ZNF236: variants seen among roughly 807,000 people sequenced by gnomAD.
The protein encoded by ZNF236 is zinc finger protein 236, also known as regulated by glucose.
A neutral mutation model predicts 191.2 loss-of-function variants in ZNF236; 50 were observed. The ratio of observed to expected loss-of-function variants is 0.26; its 90% CI spans 0.21 to 0.33. The LOEUF is 0.33. ZNF236 is among the 10% of genes least tolerant of loss of function. ZNF236 has a pLI of 1.00. For missense variants in ZNF236, 1,754 were observed against 2,374.5 expected (o/e 0.74, Z 5.43); for synonymous variants, 907 against 928.8 (o/e 0.98, Z 0.43).
intron 3 of ZNF236, among the ~76,000 whole-genome samples, chr18:76,860,419 A>G (rs1027247998): frequency 1.3e-5 from 2 of 152,184 alleles, no homozygotes; most frequent in Non-Finnish European, 2.9e-5. Context: ...GGAAAGAGAA[A>G]CAACTGTTAG....
chr18:76,902,760 A>AT (rs915138443), intron 11 of ZNF236, among the ~76,000 whole-genome samples: 6 of 150,330 alleles, frequency 4.0e-5, no homozygotes, highest in Admixed American at 6.6e-5. Flanking sequence ...TTGTATTTTT[A>AT]TTTTTTTTTA....
At chr18:76,831,727 C>T (rs1975171588) in intron 1 of ZNF236, among the ~76,000 whole-genome samples, 1 of 152,192 alleles carries the variant, frequency 6.6e-6, no homozygotes, top group Admixed American at 6.5e-5. Flanking sequence ...GGATTTTAGC[C>T]ATTCTGTTAG....
intron 27 of ZNF236, among the ~76,000 whole-genome samples, chr18:76,953,544 C>T (rs576505812): frequency 1.1e-4 from 16 of 152,278 alleles, no homozygotes; most frequent in Admixed American, 3.3e-4. Flanking sequence ...ACAGAGCTGG[C>T]ATTTGAATCC....
intron 17 of ZNF236, among the ~76,000 whole-genome samples, chr18:76,912,614 C>T (rs537806742): frequency 1.3e-5 from 2 of 152,266 alleles, no homozygotes; most frequent in East Asian, 1.9e-4. Context: ...TGCAGCTTCC[C>T]GTCACTGTTT....
chr18:76,851,524 A>G (rs1303484235), intron 2 of ZNF236, among the ~76,000 whole-genome samples: 4 of 152,220 alleles, frequency 2.6e-5, no homozygotes, highest in Non-Finnish European at 5.9e-5. Flanking sequence ...AACAGCTTAT[A>G]TACAGCATTT....
intron 21 of ZNF236, among the ~76,000 whole-genome samples, chr18:76,923,587 A>G (rs1014862732): frequency 6.6e-6 from 1 of 152,220 alleles, no homozygotes; most frequent in Admixed American, 6.5e-5. Flanking sequence ...CAAAGGCAGA[A>G]ATGAATGTCC....
intron 25 of ZNF236, among the ~76,000 whole-genome samples, chr18:76,929,446 A>G (rs945509796): frequency 2.4e-4 from 37 of 152,212 alleles, no homozygotes; most frequent in African/African-American, 7.7e-4. Context: ...TACACTTAAT[A>G]TAAGAAGTAT....
chr18:76,955,910 A>C (rs1458079929), intron 27 of ZNF236, 75 bp from the exon 28 acceptor site: 8 of 1,480,820 alleles, frequency 5.4e-6, no homozygotes, highest in Non-Finnish European at 7.4e-6. Flanking sequence ...TCTTATCACC[A>C]CGGTGTGTGT....
chr18:76,830,166 G>A (rs1975127847), intron 1 of ZNF236, among the ~76,000 whole-genome samples: 2 of 152,204 alleles, frequency 1.3e-5, no homozygotes, highest in South Asian at 4.1e-4. Flanking sequence ...ACGGTGCCTG[G>A]CCAGCTTTAC....
At position 76,925,137 on chromosome 18, in the gene ZNF236, G is replaced by T; in HGVS notation, c.3662-52G>T. ...AGTGACAGCTGAGTGGGGTGGGGGTGAGTGTCGCGACTGCCATCGCCTCTG... is the reference window on the plus strand; with the variant it reads ...AGTGACAGCTGAGTGGGGTGGGGGTTAGTGTCGCGACTGCCATCGCCTCTG... On this transcript the variant is annotated intron_variant, in intron 21 of 30. Transcript: ENST00000320610. This position sits in a 1 kb window ranked among gnomAD's most constrained non-coding sequence, Gnocchi z 5.7. 1 of 1,579,972 alleles carries T rather than the reference G, an allele frequency of 6.3e-7. No homozygotes were observed. The highest frequency in any genetic ancestry group is 1.2e-5 in the South Asian group (1 of 85,772).
intron 26 of ZNF236, among the ~76,000 whole-genome samples, chr18:76,944,609 C>A (rs955836481): frequency 6.6e-6 from 1 of 152,012 alleles, no homozygotes. Flanking sequence ...GGTGAAACCC[C>A]GTCTCTCCTA....
chr18:76,894,042 T>C (rs900737855), intron 9 of ZNF236, among the ~76,000 whole-genome samples: 4 of 152,224 alleles, frequency 2.6e-5, no homozygotes, highest in African/African-American at 9.6e-5. Flanking sequence ...GTGGGAAATC[T>C]TTCTGATTTC....
chr18:76,884,488 C>T, intron 9 of ZNF236, among the ~76,000 whole-genome samples: 1 of 151,988 alleles, frequency 6.6e-6, no homozygotes, highest in South Asian at 2.1e-4. Flanking sequence ...TGATGATTGA[C>T]TCCTTTAAGG....
chr18:76,937,248 G>A lies in ZNF236; in HGVS notation c.4687G>A (p.Val1563Met), dbSNP rs774541178. The change falls in exon 26 of 31, where the codon GTG becomes ATG. Residue 1563 changes from valine to methionine, a missense_variant. Around this residue, in one of 5 missense-constraint regions of ZNF236, gnomAD observed 606 missense variants for 761.5 expected, o/e 0.80. Transcript: ENST00000320610. Reference protein sequence around the residue: ...TQNLVMSSSGVGGDASVTLTL... With the variant: ...TQNLVMSSSGMGGDASVTLTL... ...GAACCTGGTCATGTCCTCGTCGGGC[G>A]TGGGAGGTGACGCTAGTGTCACGCT... is the stretch of plus-strand genomic sequence containing the variant. 11 of 1,613,988 alleles carry A rather than the reference G, an allele frequency of 6.8e-6. No homozygotes were observed. Among genetic ancestry groups the A allele is most frequent in the East Asian group, 6.7e-5 (3 of 44,884 alleles).
At chr18:76,861,775 A>G (rs527618688) in intron 3 of ZNF236, among the ~76,000 whole-genome samples, 1 of 152,286 alleles carries the variant, frequency 6.6e-6, no homozygotes, top group Admixed American at 6.5e-5. Flanking sequence ...TAACCAGCCA[A>G]CAGGCACAGA....
At chr18:76,952,498 A>G (rs1568245109) in intron 27 of ZNF236, among the ~76,000 whole-genome samples, 1 of 152,158 alleles carries the variant, frequency 6.6e-6, no homozygotes, top group Non-Finnish European at 1.5e-5. Flanking sequence ...GGAAGCTGGG[A>G]CCATTTGAAG....
intron 28 of ZNF236, among the ~76,000 whole-genome samples, chr18:76,959,281 G>A (rs1428791175): frequency 1.3e-5 from 2 of 152,224 alleles, no homozygotes; most frequent in African/African-American, 4.8e-5. Flanking sequence ...CTCAGGCCAC[G>A]ACATATGGGT....
At chr18:76,879,484 G>GAGTT (rs1976813079) in intron 7 of ZNF236, among the ~76,000 whole-genome samples, 1 of 152,190 alleles carries the variant, frequency 6.6e-6, no homozygotes, top group African/African-American at 2.4e-5. Flanking sequence ...TTTACTCTCA[G>GAGTT]AGTTGTCCAT....
At chr18:76,852,554 G>GT (rs1209361814) in intron 3 of ZNF236, among the ~76,000 whole-genome samples, 2 of 151,714 alleles carry the variant, frequency 1.3e-5, no homozygotes, top group Non-Finnish European at 2.9e-5. Context: ...TTATCCCAGT[G>GT]TTTGGGAAGC....
Sources: allele counts gnomAD v4.1 joint callset (sites outside exome capture counted in the v4.1 genomes callset), GRCh38; gene constraint gnomAD v4.1.1; regional missense constraint gnomAD v4.1.1; non-coding constraint Gnocchi (gnomAD v3.1); transcripts MANE v1.5; gene names NCBI Gene and HGNC (gene_info 2026-07-23, HGNC 2026-07-21).